PITPNM2: variants seen among roughly 807,000 people sequenced by gnomAD.
The protein encoded by PITPNM2 is membrane-associated phosphatidylinositol transfer protein 2.
In PITPNM2, 35 loss-of-function variants were observed where a neutral mutation model predicts 132.2. The ratio of observed to expected loss-of-function variants is 0.26; its 90% CI spans 0.20 to 0.35. The LOEUF is 0.35. Among genes scored for constraint, PITPNM2 ranks in the 10% least tolerant of loss-of-function variants. The pLI is 1.00. For missense variants in PITPNM2, 1,332 were observed against 1,912.0 expected, an observed-to-expected ratio of 0.70 and a Z score of 5.66; for synonymous variants, 738 against 799.2, an observed-to-expected ratio of 0.92 and a Z score of 1.29.
rs1297428707 is a variant in PITPNM2 at position 123,117,966 on chromosome 12, G to A, written c.-199-7478C>T. Among the ~76,000 whole-genome samples, 1 of 152,196 alleles carries A rather than the reference G, an allele frequency of 6.6e-6. No homozygotes were observed. Among genetic ancestry groups the A allele is most frequent in the Non-Finnish European group, 1.5e-5 (1 of 68,036 alleles). ...AGCCAGCTGACTGCACAGATTCACT[G>A]GAGAACTCCAGGGGAGCCCCAAGGG... On this transcript the variant is annotated intron_variant, in intron 1 of 25. Coordinates refer to ENST00000320201, the MANE Select transcript of PITPNM2 (RefSeq NM_020845.3). This position sits in a 1 kb window ranked among gnomAD's most constrained non-coding sequence, Gnocchi z 4.7.
chr12:123,129,779 T>G (rs747339499), intron 1 of PITPNM2, among the ~76,000 whole-genome samples: 1 of 151,856 alleles, frequency 6.6e-6, no homozygotes, highest in Non-Finnish European at 1.5e-5. Flanking sequence ...CACAGAAAAA[T>G]GCATAGAGTT....
At position 123,058,114 on chromosome 12, in the gene PITPNM2, C is replaced by T. The variant is rs552551519; in HGVS notation, c.-95-23429G>A. Among the ~76,000 whole-genome samples the T allele has an allele frequency of 6.6e-6, 1 of 152,338 alleles. No homozygotes were observed. The highest frequency in any genetic ancestry group is 2.4e-5 in the African/African-American group (1 of 41,570). On this transcript the variant is annotated intron_variant, in intron 2 of 25. Coordinates refer to ENST00000320201, the MANE Select transcript of PITPNM2 (RefSeq NM_020845.3). This position sits in a 1 kb window ranked among gnomAD's most constrained non-coding sequence, Gnocchi z 4.0. ...ACTTACGAACCCACGTTCTTCACTT[C>T]TTCTTTTTGGGCATTTTGTCGGAAG...
intron 11 of PITPNM2, 135 bp from the exon 12 acceptor site, chr12:122,997,045 G>C: frequency 2.0e-6 from 2 of 1,007,928 alleles, no homozygotes; most frequent in Non-Finnish European, 2.8e-6. Context: ...GCCTGGATAG[G>C]CTTGGGGGAC....
At chr12:123,130,348 T>C (rs2043235322) in intron 1 of PITPNM2, among the ~76,000 whole-genome samples, 2 of 152,242 alleles carry the variant, frequency 1.3e-5, no homozygotes, top group South Asian at 4.2e-4. Context: ...TAATTATAGA[T>C]GCAAAAGACC....
rs902985548 is a variant in PITPNM2 at position 122,985,731 on chromosome 12, C to G, written c.*296G>C. ...ACCTGGCACCAGGACACTTGGAGAT[C>G]CACACAGGGCAAAATGTCTGGGAGA... On this transcript the variant is annotated 3_prime_UTR_variant, in exon 26 of 26. Transcript: ENST00000320201. The G allele has an allele frequency of 4.9e-5, 16 of 327,066 alleles. No homozygotes were observed. Among genetic ancestry groups the G allele is most frequent in the African/African-American group, 3.4e-4 (16 of 46,608 alleles). The allele number at this position is 327,066 out of a possible 1,614,324, so 20.3% of individuals were successfully genotyped here.
intron 2 of PITPNM2, among the ~76,000 whole-genome samples, chr12:123,063,251 A>T (rs2041308563): frequency 6.6e-6 from 1 of 152,232 alleles, no homozygotes; most frequent in African/African-American, 2.4e-5. Flanking sequence ...GAGAAGGGGC[A>T]GGTATGCCAG....
Position 122,996,742 on chromosome 12 carries a change from C to T in PITPNM2, c.1641G>A (p.Glu547=), listed in dbSNP as rs368785100. Residue 547 remains glutamate, a synonymous_variant, in exon 12 of 26, where the codon GAG becomes GAA. Coordinates refer to ENST00000320201, the MANE Select transcript of PITPNM2 (RefSeq NM_020845.3). Reference sequence around the variant, plus strand: ...TCACCTGCCCATTGAAGGTCATGCCCTCCTGGGACTTGATGAAGTCCCCAT... The same window carrying T: ...TCACCTGCCCATTGAAGGTCATGCCTTCCTGGGACTTGATGAAGTCCCCAT... ...LAYGDFIKSQ[E]GMTFNGQVCL... 172 of 1,611,582 alleles carry T rather than the reference C, an allele frequency of 1.1e-4. No individual in the cohort carries two copies. The highest frequency in any genetic ancestry group is 1.2e-4 in the Non-Finnish European group (147 of 1,179,392).
intron 6 of PITPNM2, among the ~76,000 whole-genome samples, chr12:123,006,979 T>C (rs1229802398): frequency 6.6e-6 from 1 of 152,076 alleles, no homozygotes; most frequent in Non-Finnish European, 1.5e-5. Context: ...TAAAAAGCAA[T>C]GAGACATCCA....
In PITPNM2 at chr12:123,036,888, T is replaced by A. The variant is rs2040286679; in HGVS notation, c.-95-2203A>T. ...GCGACCTGTCCACCAGCCTTTCTGA[T>A]CCCTGATCAACCCCAAAGCTCCCCA... On this transcript the variant is annotated intron_variant, in intron 2 of 25. Coordinates refer to ENST00000320201, the MANE Select transcript of PITPNM2 (RefSeq NM_020845.3). The surrounding 1 kb of genome is among the most constrained non-coding windows in gnomAD (Gnocchi z 4.1). Among the ~76,000 whole-genome samples, 2 of 152,206 alleles carry A rather than the reference T, an allele frequency of 1.3e-5. No homozygotes were observed. Among genetic ancestry groups the A allele is most frequent in the South Asian group, 4.1e-4 (2 of 4,834 alleles).
intron 2 of PITPNM2, among the ~76,000 whole-genome samples, chr12:123,045,547 T>C (rs2040624455): frequency 6.6e-6 from 1 of 152,176 alleles, no homozygotes; most frequent in South Asian, 2.1e-4. Flanking sequence ...GGGACTGAGT[T>C]TTTCCCTGGA....
intron 2 of PITPNM2, among the ~76,000 whole-genome samples, chr12:123,065,779 C>T (rs2041389900): frequency 1.3e-5 from 2 of 152,196 alleles, no homozygotes; most frequent in South Asian, 4.1e-4. Context: ...TCTGTTGGTT[C>T]TCTCACAGCA....
At chr12:123,054,810 T>A (rs2040968304) in intron 2 of PITPNM2, among the ~76,000 whole-genome samples, 1 of 152,236 alleles carries the variant, frequency 6.6e-6, no homozygotes. Context: ...ATGCCTGTAA[T>A]CCCAGCACTT....
chr12:123,151,688 G>A (rs967678877), upstream of PITPNM2, among the ~76,000 whole-genome samples: 2 of 152,146 alleles, frequency 1.3e-5, no homozygotes, highest in African/African-American at 4.8e-5. Context: ...CGGATGATCT[G>A]GCACGACAGG....
chr12:123,003,487 G>A (rs927675758), intron 8 of PITPNM2, among the ~76,000 whole-genome samples: 1 of 152,210 alleles, frequency 6.6e-6, no homozygotes, highest in Non-Finnish European at 1.5e-5. Flanking sequence ...AGGCCAGCTC[G>A]GGAGTCCCCA....
intron 2 of PITPNM2, chr12:123,090,283 C>T (rs1593006051): frequency 6.6e-6 from 1 of 152,338 alleles, no homozygotes; most frequent in East Asian, 1.9e-4. Context: ...CATTTCTGAA[C>T]CTTTCCAGAG....
Position 123,111,370 on chromosome 12 carries a change from A to T in PITPNM2, c.-199-882T>A, listed in dbSNP as rs1217808217. 6.6e-6 allele frequency among the ~76,000 whole-genome samples: 1 copy of T among 152,214 alleles called. No homozygotes were observed. The highest frequency in any genetic ancestry group is 1.5e-5 in the Non-Finnish European group (1 of 68,036). ...GGGAGTGTTTCAGGAACTGATGCCCAATTCCAGGGCAACCCTGCTTTAGGA... is the reference window on the plus strand; with the variant it reads ...GGGAGTGTTTCAGGAACTGATGCCCTATTCCAGGGCAACCCTGCTTTAGGA... On this transcript the variant is annotated intron_variant, in intron 1 of 25. Transcript: ENST00000320201. The surrounding 1 kb of genome is among the most constrained non-coding windows in gnomAD (Gnocchi z 4.1).
chr12:122,989,015 G>A, intron 18 of PITPNM2, 143 bp from the exon 19 acceptor site: 2 of 992,774 alleles, frequency 2.0e-6, no homozygotes, highest in Non-Finnish European at 1.4e-6. Context: ...CCCAGGCTGG[G>A]TGAGTGAGGC....
rs1255481179 is a variant in PITPNM2, at chr12:123,000,465, A to T, written c.1224+313T>A. 1.4e-6 allele frequency: 1 copy of T among 702,568 alleles called. No homozygotes were observed. Among genetic ancestry groups the T allele is most frequent in the Non-Finnish European group, 2.6e-6 (1 of 384,934 alleles). The allele number at this position is 702,568 out of a possible 1,614,324, so 43.5% of individuals were successfully genotyped here. ...CAGACAGGCTGGGCACAAGGTGAAG[A>T]TCTTATTTTTGATCTGGAATTTACA... On this transcript the variant is annotated intron_variant, in intron 10 of 25. Transcript: ENST00000320201. This position sits in a 1 kb window ranked among gnomAD's most constrained non-coding sequence, Gnocchi z 5.4.
chr12:123,143,016 C>T (rs996234328), intron 1 of PITPNM2, among the ~76,000 whole-genome samples: 4 of 152,208 alleles, frequency 2.6e-5, no homozygotes, highest in East Asian at 1.9e-4. Flanking sequence ...GTGTTAAGCA[C>T]GCATCCACAC....
Sources: allele counts gnomAD v4.1 joint callset (sites outside exome capture counted in the v4.1 genomes callset), GRCh38; gene constraint gnomAD v4.1.1; non-coding constraint Gnocchi (gnomAD v3.1); transcripts MANE v1.5; gene names NCBI Gene and HGNC (gene_info 2026-07-23, HGNC 2026-07-21).